The following PEBP4 variants were observed in gnomAD, a reference collection of about 807,000 sequenced individuals.
PEBP4 encodes phosphatidylethanolamine binding protein 4, also known as phosphatidylethanolamine-binding protein 4.
Under a neutral mutation model 23.9 loss-of-function variants are expected in PEBP4, and 22 were observed. The observed-to-expected ratio is 0.92, with a 90% CI of 0.66 to 1.31. The LOEUF (loss-of-function observed/expected upper bound fraction) is 1.31, where lower values mean the gene tolerates loss of function less well. Among genes scored for constraint, PEBP4 ranks in the 40% most tolerant of loss-of-function variants. The pLI, the probability that PEBP4 is intolerant of heterozygous loss-of-function variation, is 0.00. For missense variants in PEBP4, 324 were observed against 281.7 expected, an observed-to-expected ratio of 1.15 and a Z score of -1.07; for synonymous variants, 112 against 99.3, an observed-to-expected ratio of 1.13 and a Z score of -0.76.
intron 1 of PEBP4, among the ~76,000 whole-genome samples, chr8:22,934,653 A>G (rs1809509387): frequency 6.6e-6 from 1 of 152,210 alleles, no homozygotes; most frequent in African/African-American, 2.4e-5. Context: ...CCTGGGCCAC[A>G]TAGTGAGACC....
chr8:22,753,608 GC>G (rs1281412467), intron 4 of PEBP4, among the ~76,000 whole-genome samples: 1 of 152,228 alleles, frequency 6.6e-6, no homozygotes, highest in Non-Finnish European at 1.5e-5. Flanking sequence ...AGAGACTGAA[GC>G]TGAACTTCAA....
chr8:22,755,326 C>CT (rs547269095), intron 4 of PEBP4, among the ~76,000 whole-genome samples: 1,653 of 114,598 alleles, frequency 0.014, 121 homozygotes, highest in Non-Finnish European at 0.019. Flanking sequence ...TTCTCTCCCT[C>CT]TTTTTTTTTT....
At chr8:22,737,948 G>A (rs570325849) in intron 4 of PEBP4, among the ~76,000 whole-genome samples, 51 of 152,086 alleles carry the variant, frequency 3.4e-4, no homozygotes, top group Non-Finnish European at 5.4e-4. Flanking sequence ...GGTTGCCGGG[G>A]AGTAGACGGC....
intron 6 of PEBP4, 40 bp from the exon 7 acceptor site, chr8:22,713,576 A>G: frequency 6.2e-7 from 1 of 1,613,496 alleles, no homozygotes; most frequent in Non-Finnish European, 8.5e-7. Context: ...AGTGAGAAAG[A>G]GCCATGGACT....
intron 4 of PEBP4, among the ~76,000 whole-genome samples, chr8:22,784,583 C>T (rs941223669): frequency 6.6e-6 from 1 of 152,178 alleles, no homozygotes; most frequent in Non-Finnish European, 1.5e-5. Flanking sequence ...TGCTGCGAGC[C>T]GGGAGCCTGA....
At chr8:22,784,892 C>T (rs1050854215) in intron 4 of PEBP4, among the ~76,000 whole-genome samples, 5 of 152,162 alleles carry the variant, frequency 3.3e-5, no homozygotes, top group Admixed American at 6.5e-5. Flanking sequence ...AGAAAGGCAG[C>T]GAGCCGGAGG....
chr8:22,737,451 C>T (rs933697617), intron 4 of PEBP4, among the ~76,000 whole-genome samples: 1 of 152,200 alleles, frequency 6.6e-6, no homozygotes, highest in Non-Finnish European at 1.5e-5. Flanking sequence ...GGTGCGCAGG[C>T]ATCTCGCCAT....
intron 2 of PEBP4, among the ~76,000 whole-genome samples, 168 bp downstream of exon 2, chr8:22,927,416 C>T (rs559535929): frequency 2.2e-4 from 34 of 152,276 alleles, no homozygotes; most frequent in African/African-American, 7.9e-4. Flanking sequence ...AAATCCCTTT[C>T]TCAGTGCCAT....
intron 3 of PEBP4, among the ~76,000 whole-genome samples, chr8:22,907,883 G>A (rs1416391729): frequency 6.6e-6 from 1 of 152,138 alleles, no homozygotes; most frequent in East Asian, 1.9e-4. Context: ...GATGGTGGAT[G>A]AGAGAGGTGG....
intron 6 of PEBP4, among the ~76,000 whole-genome samples, chr8:22,715,476 T>C (rs1307572935): frequency 6.6e-6 from 1 of 152,076 alleles, no homozygotes; most frequent in Non-Finnish European, 1.5e-5. Context: ...TGAATTGGTG[T>C]GTGGCAGGAA....
intron 3 of PEBP4, among the ~76,000 whole-genome samples, chr8:22,917,766 C>T (rs1809108188): frequency 6.6e-6 from 1 of 152,230 alleles, no homozygotes; most frequent in Admixed American, 6.5e-5. Context: ...CTGCTAGGTT[C>T]AGGGATAGGC....
intron 2 of PEBP4, chr8:22,924,808 G>A (rs1486013482): frequency 4.1e-6 from 4 of 985,270 alleles, no homozygotes; most frequent in Non-Finnish European, 4.8e-6. Flanking sequence ...GGGACCGTCG[G>A]TGGTTTTGCT....
Position 22,847,248 on chromosome 8 carries a change from G to T in PEBP4, c.259-29513C>A, listed in dbSNP as rs78290939. Among the ~76,000 whole-genome samples, 559 of 152,292 alleles carry T rather than the reference G, an allele frequency of 3.7e-3. 4 individuals carry two copies. The highest frequency in any genetic ancestry group is 0.013 in the African/African-American group (521 of 41,564). On this transcript the variant is annotated intron_variant, in intron 3 of 6. Coordinates refer to ENST00000256404, the MANE Select transcript of PEBP4 (RefSeq NM_144962.3). ...TGGGGCAGCAGGGTCAGAGCCGAAA[G>T]TCAGATCTGCCATCCTCTCCCATCC...
intron 3 of PEBP4, among the ~76,000 whole-genome samples, chr8:22,901,863 T>G (rs1274333841): frequency 6.6e-6 from 1 of 152,234 alleles, no homozygotes; most frequent in Non-Finnish European, 1.5e-5. Flanking sequence ...TAAGAAGACA[T>G]GGCCATGTGT....
intron 4 of PEBP4, among the ~76,000 whole-genome samples, chr8:22,786,272 TTTTG>T (rs756626141): frequency 4.1e-4 from 62 of 152,180 alleles, no homozygotes; most frequent in African/African-American, 9.4e-4. Context: ...ATTTCTGTTT[TTTTG>T]TTTGTTTGTT....
At chr8:22,736,115 G>A (rs1804855685) in intron 4 of PEBP4, among the ~76,000 whole-genome samples, 1 of 152,080 alleles carries the variant, frequency 6.6e-6, no homozygotes, top group Non-Finnish European at 1.5e-5. Context: ...CCTGCTTGGC[G>A]AAACTTGCCC....
At chr8:22,851,913 T>C (rs1807559778) in intron 3 of PEBP4, among the ~76,000 whole-genome samples, 1 of 152,084 alleles carries the variant, frequency 6.6e-6, no homozygotes, top group African/African-American at 2.4e-5. Flanking sequence ...CACCTGGTGG[T>C]CTTGCAGCTC....
rs542062701 is a variant in PEBP4 at position 22,718,317 on chromosome 8, A to G, written c.518-4781T>C. On this transcript the variant is annotated intron_variant, in intron 6 of 6. Coordinates refer to ENST00000256404, the MANE Select transcript of PEBP4 (RefSeq NM_144962.3). ...GGGTTGGGGCAGGAAAGGGATCAGG[A>G]GGATGGGAGACTTCAAGCTGCCAGT... Among the ~76,000 whole-genome samples, 11 of 152,264 alleles carry G rather than the reference A, an allele frequency of 7.2e-5. 1 individual carries two copies. The highest frequency in any genetic ancestry group is 2.6e-4 in the African/African-American group (11 of 41,562).
intron 4 of PEBP4, among the ~76,000 whole-genome samples, chr8:22,741,353 A>C (rs2128750524): frequency 6.6e-6 from 1 of 152,328 alleles, no homozygotes; most frequent in South Asian, 2.1e-4. Context: ...GTGGCCCACC[A>C]GGGCCTGCTG....
Sources: allele counts gnomAD v4.1 joint callset (sites outside exome capture counted in the v4.1 genomes callset), GRCh38; gene constraint gnomAD v4.1.1; transcripts MANE v1.5; gene names NCBI Gene and HGNC (gene_info 2026-07-23, HGNC 2026-07-21).